OLA1: variants seen among roughly 807,000 people sequenced by gnomAD.
The protein encoded by OLA1 is Obg like ATPase 1, also known as obg-like ATPase 1.
In OLA1, 14 loss-of-function variants were observed where a neutral mutation model predicts 48.4. The ratio of observed to expected loss-of-function variants is 0.29; its 90% CI spans 0.19 to 0.45. OLA1 has a LOEUF of 0.45. Among genes scored for constraint, OLA1 ranks in the 20% least tolerant of loss-of-function variants. The pLI is 1.00. For synonymous variants in OLA1, 127 were observed against 150.4 expected (o/e 0.84, Z 1.14); for missense variants, 325 against 467.1 (o/e 0.70, Z 2.80).
rs1558975364 is a variant in OLA1 at position 174,144,983 on chromosome 2, A to ATAG, written c.374-2984_374-2983insCTA. Among the ~76,000 whole-genome samples the ATAG allele has an allele frequency of 1.3e-4, 13 of 103,492 alleles. 1 individual carries two copies. Among genetic ancestry groups the ATAG allele is most frequent in the African/African-American group, 4.6e-4 (13 of 28,070 alleles). 67.9% of individuals were successfully genotyped at this position (103,492 alleles called of 152,430 possible). On this transcript the variant is annotated intron_variant, in intron 4 of 10. Coordinates refer to ENST00000284719, the MANE Select transcript of OLA1 (RefSeq NM_013341.5). ...ATATATATATATATATATATATATAATCACGGAATATATATATTCCGTGAA... is the reference window on the plus strand; with the variant it reads ...ATATATATATATATATATATATATAATAGTCACGGAATATATATATTCCGTGAA...
intron 5 of OLA1, among the ~76,000 whole-genome samples, chr2:174,133,550 A>G (rs948060187): frequency 6.6e-6 from 1 of 152,102 alleles, no homozygotes; most frequent in African/African-American, 2.4e-5. Flanking sequence ...TAGTAGAGAC[A>G]GGGTTATGCC....
At chr2:174,208,136 G>A (rs1419174621) in intron 4 of OLA1, among the ~76,000 whole-genome samples, 1 of 152,102 alleles carries the variant, frequency 6.6e-6, no homozygotes, top group Non-Finnish European at 1.5e-5. Context: ...TGTTACTGCT[G>A]GGAGAAGGAT....
At chr2:174,191,834 T>G (rs1315963949) in intron 4 of OLA1, among the ~76,000 whole-genome samples, 1 of 152,162 alleles carries the variant, frequency 6.6e-6, no homozygotes, top group Non-Finnish European at 1.5e-5. Flanking sequence ...AAATTCTTCC[T>G]CATGCACATG....
chr2:174,075,373 A>T lies in OLA1; in HGVS notation c.*53T>A. The T allele has an allele frequency of 2.8e-6, 3 of 1,060,724 alleles. No homozygotes were observed. Among genetic ancestry groups the T allele is most frequent in the Non-Finnish European group, 4.2e-6 (3 of 709,458 alleles). 65.7% of individuals were successfully genotyped at this position (1,060,724 alleles called of 1,614,324 possible). A position where few individuals can be genotyped will look rare whatever the true frequency, so the allele number is the denominator to read the frequency against. ...TGGTTTTCAGAAATTTTAATTTTTT[A>T]AAAATCAGATGCCTTTTGGAAGTTG... On this transcript the variant is annotated 3_prime_UTR_variant, in exon 11 of 11. Coordinates refer to ENST00000284719, the MANE Select transcript of OLA1 (RefSeq NM_013341.5).
rs551838204 is a variant in OLA1 at position 174,231,365 on chromosome 2, C to T, written c.102-1914G>A. ...TTAAACATTTATAGGACACTTGGGC[C>T]TAACGTTATGAAGACAAAATAAAAT... On this transcript the variant is annotated intron_variant, in intron 2 of 10. Transcript: ENST00000284719. 5.3e-5 allele frequency among the ~76,000 whole-genome samples: 8 copies of T among 152,040 alleles called. No individual in the cohort carries two copies. In the South Asian group the frequency reaches 1.7e-3, roughly 32 times the overall value.
At chr2:174,086,748 G>A (rs984119222) in intron 7 of OLA1, among the ~76,000 whole-genome samples, 2 of 152,142 alleles carry the variant, frequency 1.3e-5, no homozygotes, top group African/African-American at 4.8e-5. Context: ...GGGGGTGGTG[G>A]TTCAGGATTT....
chr2:174,165,016 G>A (rs1308559047), intron 4 of OLA1, among the ~76,000 whole-genome samples: 1 of 152,230 alleles, frequency 6.6e-6, no homozygotes, highest in Non-Finnish European at 1.5e-5. Flanking sequence ...CCAAAAGGTA[G>A]AGTAGAGACA....
At chr2:174,223,285 A>C in intron 3 of OLA1, 125 bp from the exon 4 acceptor site, 1 of 891,300 alleles carries the variant, frequency 1.1e-6, no homozygotes, top group Non-Finnish European at 1.7e-6. Flanking sequence ...TAATGATTTG[A>C]TAAATGAATA....
rs58241590 is a variant in OLA1 at position 174,076,804 on chromosome 2, CAT to C, written c.1090-1279_1090-1278del. Among the ~76,000 whole-genome samples, 1,190 of 150,334 alleles carry C rather than the reference CAT, an allele frequency of 7.9e-3. 17 individuals carry two copies. The highest frequency in any genetic ancestry group is 0.027 in the African/African-American group (1,123 of 41,108). On this transcript the variant is annotated intron_variant, in intron 10 of 10. Transcript: ENST00000284719. ...TTATATATATTTCATATATATGACA[CAT>C]ATGTGTGTGTGTATATATATAAAAA... is the stretch of plus-strand genomic sequence containing the variant.
intron 4 of OLA1, among the ~76,000 whole-genome samples, chr2:174,176,310 T>C (rs1381061920): frequency 6.6e-6 from 1 of 152,146 alleles, no homozygotes. Flanking sequence ...TTAACTAAGA[T>C]TGAATTTTAC....
chr2:174,190,375 G>A (rs551747453), intron 4 of OLA1, among the ~76,000 whole-genome samples: 14 of 151,976 alleles, frequency 9.2e-5, no homozygotes, highest in South Asian at 2.1e-4. Flanking sequence ...ACTATAAACC[G>A]AATATGAAAA....
intron 4 of OLA1, among the ~76,000 whole-genome samples, chr2:174,145,950 G>T (rs1686587032): frequency 6.6e-6 from 1 of 152,226 alleles, no homozygotes; most frequent in East Asian, 1.9e-4. Flanking sequence ...TGAGAAGAGT[G>T]AGGAGTTGTG....
intron 4 of OLA1, among the ~76,000 whole-genome samples, chr2:174,221,182 T>C (rs966629799): frequency 6.6e-6 from 1 of 152,216 alleles, no homozygotes; most frequent in African/African-American, 2.4e-5. Context: ...CTACTTTAAT[T>C]GGATTTTCTT....
intron 4 of OLA1, among the ~76,000 whole-genome samples, chr2:174,191,102 T>C (rs1488457601): frequency 2.6e-5 from 4 of 151,852 alleles, no homozygotes; most frequent in Non-Finnish European, 5.9e-5. Context: ...TTGCTAAGAG[T>C]AGATTTCAAG....
At chr2:174,218,420 C>T (rs144754823) in intron 4 of OLA1, among the ~76,000 whole-genome samples, 290 of 152,190 alleles carry the variant, frequency 1.9e-3, no homozygotes, top group African/African-American at 6.6e-3. Flanking sequence ...ATTCCTCATG[C>T]AAATTCTGAC....
intron 4 of OLA1, among the ~76,000 whole-genome samples, chr2:174,147,837 T>TTTA (rs58479405): frequency 0.14 from 20,905 of 152,158 alleles, 1,563 homozygotes; most frequent in East Asian, 0.21. Flanking sequence ...TATTTATTTA[T>TTTA]TTTTGAGACA....
rs764766560 is a variant in OLA1 at position 174,142,030 on chromosome 2, T to C, written c.374-30A>G. On this transcript the variant is annotated intron_variant, in intron 4 of 10. Transcript: ENST00000284719. ...AATGAATTAAAGGGAAGCAATTCAA[T>C]AAACAAATAATACAGCGTGTTCATT... 4 of 1,577,648 alleles carry C rather than the reference T, an allele frequency of 2.5e-6. No homozygotes were observed. The Middle Eastern group carries it at 5.1e-4, about 203-fold the overall frequency.
At chr2:174,158,820 CG>C (rs1292811120) in intron 4 of OLA1, among the ~76,000 whole-genome samples, 1 of 151,994 alleles carries the variant, frequency 6.6e-6, no homozygotes, top group African/African-American at 2.4e-5. Context: ...AAAATCAGAA[CG>C]AAAAAACTAT....
intron 5 of OLA1, among the ~76,000 whole-genome samples, chr2:174,139,880 AGAAAGAAAGAAAG>A (rs1686401205): frequency 7.4e-6 from 1 of 134,454 alleles, no homozygotes; most frequent in Non-Finnish European, 1.6e-5. Context: ...AAAAAAAAAA[AGAAAGAAAGAAAG>A]AAAAAAAAAA....
Sources: gnomAD v4.1 joint callset for allele counts (sites outside exome capture counted in the v4.1 genomes callset) on GRCh38, gnomAD v4.1.1 for gene constraint, MANE v1.5 for transcripts, NCBI Gene and HGNC (gene_info 2026-07-23, HGNC 2026-07-21) for gene names.